GLB1: variants seen among roughly 807,000 people sequenced by gnomAD.
The protein encoded by GLB1 is galactosidase beta 1.
GLB1 carries 56 observed loss-of-function variants against 74.0 expected under a neutral mutation model. The ratio of observed to expected loss-of-function variants is 0.76; its 90% CI spans 0.61 to 0.94. The LOEUF (loss-of-function observed/expected upper bound fraction) is 0.94, where lower values mean the gene tolerates loss of function less well. Among genes scored for constraint, GLB1 ranks in the 40% least tolerant of loss-of-function variants. The probability of loss-of-function intolerance (pLI) is 0.00; values close to 1 mark genes in which losing one functional copy is unlikely to be tolerated. For synonymous variants in GLB1, 323 were observed against 323.6 expected (o/e 1.00, Z 0.02); for missense variants, 787 against 845.5 (o/e 0.93, Z 0.86).
At chr3:33,026,174 G>A (rs541637193) in intron 10 of GLB1, among the ~76,000 whole-genome samples, 79 of 152,260 alleles carry the variant, frequency 5.2e-4, no homozygotes, top group Non-Finnish European at 9.0e-4. Flanking sequence ...GGGGATCCAG[G>A]AAGGTCCCCC....
At chr3:33,064,936 AG>A (rs1488001152) in intron 5 of GLB1, among the ~76,000 whole-genome samples, 1 of 152,170 alleles carries the variant, frequency 6.6e-6, no homozygotes, top group Non-Finnish European at 1.5e-5. Flanking sequence ...AAGAACACAT[AG>A]AAGAAGGAGA....
At chr3:33,076,933 T>C (rs192076323) in intron 1 of GLB1, among the ~76,000 whole-genome samples, 2 of 152,088 alleles carry the variant, frequency 1.3e-5, no homozygotes, top group East Asian at 1.9e-4. Flanking sequence ...GTTAATTAAA[T>C]ACAGAAGGGC....
At chr3:33,009,805 G>A (rs1364598830) in intron 15 of GLB1, among the ~76,000 whole-genome samples, 2 of 152,148 alleles carry the variant, frequency 1.3e-5, no homozygotes. Flanking sequence ...CAACCAGTAA[G>A]CTACTATCTC....
In GLB1 at chr3:33,067,995, T is replaced by C. The variant is rs9865113; in HGVS notation, c.457+235A>G. 0.98 allele frequency among the ~76,000 whole-genome samples: 148,587 copies of C among 151,174 alleles called. 73,075 individuals carry two copies. The highest frequency in any genetic ancestry group is 1 in the Middle Eastern group (290 of 290). ...CCGCCTCCAGGGTTCAAGCAATCCT[T>C]CTGCCTCAGCCTCCTGAGTAGCTGG... On this transcript the variant is annotated intron_variant, in intron 4 of 15. Coordinates refer to ENST00000307363, the MANE Select transcript of GLB1 (RefSeq NM_000404.4).
intron 1 of GLB1, among the ~76,000 whole-genome samples, chr3:33,083,326 G>A (rs751946177): frequency 2.0e-5 from 3 of 150,364 alleles, no homozygotes; most frequent in Non-Finnish European, 2.9e-5. Context: ...GAACCTGGGA[G>A]GCAGAGGTTG....
chr3:33,041,898 C>T (rs1317340588), intron 10 of GLB1, among the ~76,000 whole-genome samples: 11 of 151,994 alleles, frequency 7.2e-5, no homozygotes, highest in Non-Finnish European at 1.6e-4. Flanking sequence ...TCTACATCTC[C>T]ACTAGTACAT....
chr3:33,031,011 A>T (rs565051307), intron 10 of GLB1, among the ~76,000 whole-genome samples: 14 of 152,218 alleles, frequency 9.2e-5, no homozygotes, highest in Non-Finnish European at 1.3e-4. Context: ...AATACCTTTT[A>T]AAATGCAAAT....
intron 15 of GLB1, among the ~76,000 whole-genome samples, chr3:33,009,660 A>G (rs1340290520): frequency 6.6e-6 from 1 of 152,256 alleles, no homozygotes; most frequent in Non-Finnish European, 1.5e-5. Flanking sequence ...GTGCTGGGCC[A>G]TAAAACAAGT....
intron 1 of GLB1, among the ~76,000 whole-genome samples, chr3:33,089,108 C>G (rs763644522): frequency 1.4e-4 from 21 of 152,156 alleles, no homozygotes; most frequent in Non-Finnish European, 2.5e-4. Context: ...GGACCCTTAT[C>G]TTATACCATA....
chr3:32,963,748 C>A, the GLB1 span, among the ~76,000 whole-genome samples: 1 of 152,142 alleles, frequency 6.6e-6, no homozygotes, highest in African/African-American at 2.4e-5. Context: ...TAAGTATAAA[C>A]CCCAAACTGT....
chr3:33,013,929 A>G, intron 15 of GLB1, 127 bp downstream of exon 15: 1 of 1,529,792 alleles, frequency 6.5e-7, no homozygotes. Flanking sequence ...CTCCTGAAGA[A>G]TGTCCGAAAC....
rs1214295886 is a variant in GLB1, at chr3:33,052,000, T to C, written c.797A>G (p.Asn266Ser). The change falls in exon 8 of 16, where the codon AAT becomes AGT. Residue 266 changes from asparagine to serine, a missense_variant. Transcript: ENST00000307363. ...RKCEPKGPLI[N>S]SEFYTGWLDH... is the part of the protein sequence containing the mutation. ...TAGCCAGCCAGTATAGAATTCAGAATTGATCTAAAACAAAAAAAGAACGTA... is the reference window on the plus strand; with the variant it reads ...TAGCCAGCCAGTATAGAATTCAGAACTGATCTAAAACAAAAAAAGAACGTA... 3 of 1,613,964 alleles carry C rather than the reference T, an allele frequency of 1.9e-6. No individual in the cohort carries two copies. Among genetic ancestry groups the C allele is most frequent in the Non-Finnish European group, 2.5e-6 (3 of 1,180,028 alleles).
chr3:32,996,335 G>A (rs924231969), downstream of GLB1, among the ~76,000 whole-genome samples: 1 of 152,186 alleles, frequency 6.6e-6, no homozygotes, highest in African/African-American at 2.4e-5. Context: ...AATATGTGAA[G>A]TTCTTATGTT....
chr3:33,094,173 G>A lies in GLB1; in HGVS notation c.75+2838C>T. ...AGCCAGGGTGGCCTTCGCGCCTAGG[G>A]ACAGCTGCCTGAAGATGGCCATTTT... On this transcript the variant is annotated intron_variant, in intron 1 of 15. Coordinates refer to ENST00000307363, the MANE Select transcript of GLB1 (RefSeq NM_000404.4). 6.2e-7 allele frequency: 1 copy of A among 1,606,598 alleles called. No individual in the cohort carries two copies. Among genetic ancestry groups the A allele is most frequent in the South Asian group, 1.1e-5 (1 of 90,636 alleles).
Position 33,093,564 on chromosome 3 carries a change from A to G in GLB1, c.75+3447T>C. On this transcript the variant is annotated intron_variant, in intron 1 of 15. Transcript: ENST00000307363. This position sits in a 1 kb window ranked among gnomAD's most constrained non-coding sequence, Gnocchi z 6.0. ...GGGGCCCAAGTGAATGTCTGAGAGG[A>G]GCACGATCTTGAGGTTGTTCATTGA... The G allele has an allele frequency of 1.9e-6, 3 of 1,614,162 alleles. No individual in the cohort carries two copies. Among genetic ancestry groups the G allele is most frequent in the South Asian group, 1.1e-5 (1 of 91,076 alleles).
the GLB1 span, among the ~76,000 whole-genome samples, chr3:32,981,557 T>C: frequency 6.6e-6 from 1 of 151,912 alleles, no homozygotes; most frequent in South Asian, 2.1e-4. Context: ...GTAGATCACT[T>C]GAGACCAGGA....
chr3:33,096,715 G>T (rs1701045920), intron 1 of GLB1: 1 of 1,230,566 alleles, frequency 8.1e-7, no homozygotes, highest in Non-Finnish European at 1.0e-6. Flanking sequence ...ATGTTTACAC[G>T]CACCTCGTCT....
At chr3:33,030,393 A>G in intron 10 of GLB1, 1 of 645,930 alleles carries the variant, frequency 1.5e-6, no homozygotes, top group Non-Finnish European at 1.9e-6. Flanking sequence ...CGAAGAGACC[A>G]GTACTACAAG....
chr3:33,079,884 C>T (rs1199579929), intron 1 of GLB1, among the ~76,000 whole-genome samples: 10 of 152,108 alleles, frequency 6.6e-5, no homozygotes, highest in Non-Finnish European at 7.4e-5. Flanking sequence ...TGGGCTCAAG[C>T]GATCCTCCCA....
Sources: allele counts gnomAD v4.1 joint callset (sites outside exome capture counted in the v4.1 genomes callset), GRCh38; gene constraint gnomAD v4.1.1; non-coding constraint Gnocchi (gnomAD v3.1); transcripts MANE v1.5; gene names NCBI Gene and HGNC (gene_info 2026-07-23, HGNC 2026-07-21).